Variants in SHROOM3 observed in about 807,000 individuals in gnomAD.
SHROOM3 encodes protein Shroom3.
Under a neutral mutation model 138.6 loss-of-function variants are expected in SHROOM3, and 47 were observed. The observed-to-expected ratio is 0.34, with a 90% CI of 0.27 to 0.43. SHROOM3 has a LOEUF of 0.43. SHROOM3 is among the 20% of genes least tolerant of loss of function. The pLI, the probability that SHROOM3 is intolerant of heterozygous loss-of-function variation, is 1.00. For missense variants in SHROOM3, 2,491 were observed against 2,596.5 expected (o/e 0.96, Z 0.88); for synonymous variants, 1,062 against 1,063.3 (o/e 1.00, Z 0.02).
At chr4:76,750,807 T>C (rs1448736983) in intron 6 of SHROOM3, among the ~76,000 whole-genome samples, 2 of 150,466 alleles carry the variant, frequency 1.3e-5, no homozygotes, top group African/African-American at 4.9e-5. Context: ...ATTAGTTCTG[T>C]GTTTAAAAAA....
In SHROOM3 at chr4:76,741,567, G is replaced by A. The variant is rs746092626; in HGVS notation, c.3394G>A (p.Gly1132Ser). Residue 1132 changes from glycine (G) to serine (S), a missense_variant, in exon 5 of 11, where the codon GGC becomes AGC. This residue lies in a region of SHROOM3 where 1,733 missense variants were observed against 1,661.6 expected (regional missense o/e 1.04). Coordinates refer to ENST00000296043, the MANE Select transcript of SHROOM3 (RefSeq NM_020859.4). This position sits in a 1 kb window ranked among gnomAD's most constrained non-coding sequence, Gnocchi z 6.2. ...CGGCCCCGCGGCGCTCGAAGGCTCC[G>A]GCCTCGCCTCGGCCTCCAGCTTGAG... is the stretch of plus-strand genomic sequence containing the variant. ...QPGPAALEGS[G>S]LASASSLSSL... 6.5e-6 allele frequency: 10 copies of A among 1,544,504 alleles called. No homozygotes were observed. Among genetic ancestry groups the A allele is most frequent in the Admixed American group, 3.8e-5 (2 of 52,616 alleles).
chr4:76,457,086 C>T (rs1321524103), intron 1 of SHROOM3, among the ~76,000 whole-genome samples: 1 of 152,186 alleles, frequency 6.6e-6, no homozygotes, highest in Admixed American at 6.5e-5. Flanking sequence ...TGGGTGTATA[C>T]GTGCAAATCA....
intron 2 of SHROOM3, among the ~76,000 whole-genome samples, chr4:76,651,358 T>C (rs987645454): frequency 7.0e-6 from 1 of 142,958 alleles, no homozygotes; most frequent in Non-Finnish European, 1.5e-5. Flanking sequence ...ATGTAGTTAT[T>C]TCACATTGCA....
At chr4:76,612,116 A>G (rs2110061774) in intron 2 of SHROOM3, among the ~76,000 whole-genome samples, 1 of 152,312 alleles carries the variant, frequency 6.6e-6, no homozygotes, top group East Asian at 1.9e-4. Flanking sequence ...CTCAGAGGGA[A>G]TTCTGCCTTT....
chr4:76,642,075 A>G (rs1735686281), intron 2 of SHROOM3, among the ~76,000 whole-genome samples: 1 of 152,190 alleles, frequency 6.6e-6, no homozygotes, highest in African/African-American at 2.4e-5. Flanking sequence ...ATGTTGGCTC[A>G]TTCTTTCCTG....
intron 2 of SHROOM3, among the ~76,000 whole-genome samples, chr4:76,684,848 T>A (rs1719293275): frequency 6.6e-6 from 1 of 152,318 alleles, no homozygotes; most frequent in Non-Finnish European, 1.5e-5. Flanking sequence ...TTATAGAGTT[T>A]TCCTCCTTCA....
chr4:76,538,032 T>G (rs982716430), intron 1 of SHROOM3, among the ~76,000 whole-genome samples: 1 of 152,114 alleles, frequency 6.6e-6, no homozygotes, highest in Non-Finnish European at 1.5e-5. Flanking sequence ...CTCAGCCTCC[T>G]GAGTAGTTGG....
intron 2 of SHROOM3, among the ~76,000 whole-genome samples, chr4:76,676,899 C>G (rs1299918235): frequency 7.0e-6 from 1 of 143,182 alleles, no homozygotes; most frequent in African/African-American, 2.6e-5. Flanking sequence ...GCAGAGATGG[C>G]GCCACTGCAC....
intron 2 of SHROOM3, among the ~76,000 whole-genome samples, chr4:76,573,080 C>CAA (rs1160533489): frequency 2.2e-5 from 3 of 135,084 alleles, no homozygotes; most frequent in African/African-American, 8.2e-5. Flanking sequence ...GACACTGTCT[C>CAA]AAAAAAAAAA....
intron 1 of SHROOM3, among the ~76,000 whole-genome samples, chr4:76,441,089 T>TTG (rs1553913345): frequency 1.6e-5 from 2 of 124,422 alleles, no homozygotes. Context: ...TCAATTTGTT[T>TTG]TTTTTTTTTT....
chr4:76,598,391 A>G (rs1734435135), intron 2 of SHROOM3, among the ~76,000 whole-genome samples: 1 of 152,210 alleles, frequency 6.6e-6, no homozygotes, highest in Non-Finnish European at 1.5e-5. Context: ...AAAAGATGAA[A>G]GCTTCTTGTA....
At chr4:76,577,353 T>C (rs1198121990) in intron 2 of SHROOM3, among the ~76,000 whole-genome samples, 1 of 152,206 alleles carries the variant, frequency 6.6e-6, no homozygotes, top group Non-Finnish European at 1.5e-5. Context: ...TACTCTTTAC[T>C]GTGTATTGTT....
intron 1 of SHROOM3, among the ~76,000 whole-genome samples, chr4:76,498,655 T>A (rs1745436923): frequency 6.6e-6 from 1 of 152,056 alleles, no homozygotes; most frequent in South Asian, 2.1e-4. Context: ...ATGGAAAGGC[T>A]AGAGAGAGCT....
At chr4:76,472,909 G>A (rs994248164) in intron 1 of SHROOM3, among the ~76,000 whole-genome samples, 1 of 152,110 alleles carries the variant, frequency 6.6e-6, no homozygotes, top group South Asian at 2.1e-4. Context: ...TGGCCAGACT[G>A]GTCTCAAACT....
chr4:76,773,255 T>C (rs999611083), intron 10 of SHROOM3, among the ~76,000 whole-genome samples: 4 of 151,124 alleles, frequency 2.6e-5, no homozygotes, highest in Admixed American at 6.6e-5. Context: ...GTGCCTGTAA[T>C]CCCAGCTACT....
chr4:76,579,447 A>G (rs986203908), intron 2 of SHROOM3, among the ~76,000 whole-genome samples: 3 of 152,260 alleles, frequency 2.0e-5, no homozygotes, highest in Middle Eastern at 3.4e-3. Context: ...CAGCCTGGGC[A>G]ACAGAGTGAG....
intron 2 of SHROOM3, among the ~76,000 whole-genome samples, chr4:76,631,725 C>T (rs765426771): frequency 1.4e-4 from 21 of 152,118 alleles, no homozygotes; most frequent in Non-Finnish European, 2.8e-4. Context: ...AAGTATAGCA[C>T]GAGGCTACTG....
intron 2 of SHROOM3, among the ~76,000 whole-genome samples, chr4:76,651,401 AATAT>A (rs33994270): frequency 0.013 from 1,097 of 86,400 alleles, 14 homozygotes; most frequent in African/African-American, 0.022. Flanking sequence ...GTAACCCATA[AATAT>A]ATATATATAT....
rs1224664046 is a variant in SHROOM3 at position 76,739,386 on chromosome 4, T to G, written c.1213T>G (p.Ser405Ala). Residue 405 changes from serine (S) to alanine (A), a missense_variant, in exon 5 of 11, where the codon TCT becomes GCT. Coordinates refer to ENST00000296043, the MANE Select transcript of SHROOM3 (RefSeq NM_020859.4). ...GCACCGTGAGCGGCCCAGCTCCTGG[T>G]CTAGCCTTGATCAGAAACGGCTCTG... ...FRHRERPSSWSSLDQKRLCRP... is the reference protein window; with the variant it reads ...FRHRERPSSWASLDQKRLCRP... The G allele has an allele frequency of 3.7e-6, 6 of 1,614,058 alleles. No homozygotes were observed. In the South Asian group the frequency reaches 6.6e-5, roughly 18 times the overall value.
Sources: gnomAD v4.1 joint callset for allele counts (sites outside exome capture counted in the v4.1 genomes callset) on GRCh38, gnomAD v4.1.1 for gene constraint, gnomAD v4.1.1 regional missense constraint, Gnocchi (gnomAD v3.1) non-coding constraint, MANE v1.5 for transcripts, NCBI Gene and HGNC (gene_info 2026-07-23, HGNC 2026-07-21) for gene names.